Variants in MTHFD1L observed in about 807,000 individuals in gnomAD.
MTHFD1L encodes the protein methylenetetrahydrofolate dehydrogenase (NADP+ dependent) 1 like, also known as monofunctional C1-tetrahydrofolate synthase, mitochondrial.
MTHFD1L carries 81 observed loss-of-function variants against 119.5 expected under a neutral mutation model. The observed-to-expected ratio is 0.68, with a 90% CI of 0.57 to 0.82. The LOEUF (loss-of-function observed/expected upper bound fraction) is 0.82, where lower values mean the gene tolerates loss of function less well. Among genes scored for constraint, MTHFD1L ranks in the 40% least tolerant of loss-of-function variants. MTHFD1L has a pLI of 0.00. For missense variants in MTHFD1L, 1,125 were observed against 1,253.4 expected, an observed-to-expected ratio of 0.90 and a Z score of 1.55; for synonymous variants, 430 against 475.2, an observed-to-expected ratio of 0.90 and a Z score of 1.24.
chr6:150,999,528 A>G (rs746908808), intron 20 of MTHFD1L, among the ~76,000 whole-genome samples: 5 of 152,200 alleles, frequency 3.3e-5, no homozygotes, highest in Non-Finnish European at 7.3e-5. Context: ...CTTGTTCCCT[A>G]CAAGAACATG....
At chr6:150,975,863 G>T (rs557414946) in intron 20 of MTHFD1L, among the ~76,000 whole-genome samples, 1 of 152,160 alleles carries the variant, frequency 6.6e-6, no homozygotes, top group African/African-American at 2.4e-5. Flanking sequence ...ACCTGGTCTC[G>T]GGTACCACAG....
At chr6:150,989,138 G>A (rs519861) in intron 20 of MTHFD1L, among the ~76,000 whole-genome samples, 127,588 of 152,244 alleles carry the variant, frequency 0.84, 53,593 homozygotes, top group East Asian at 0.98. Context: ...CAATTTAAAA[G>A]CTGCCTAAGA....
At chr6:150,876,908 C>G (rs1415436004) in intron 2 of MTHFD1L, among the ~76,000 whole-genome samples, 5 of 152,208 alleles carry the variant, frequency 3.3e-5, no homozygotes, top group Admixed American at 6.5e-5. Flanking sequence ...TCTCTGGGAT[C>G]TGTAGCCACA....
intron 7 of MTHFD1L, among the ~76,000 whole-genome samples, chr6:150,903,203 A>ATTCTTTTTTTTTTTTTTTTTTTTTTTT (rs1562348409): frequency 1.2e-5 from 1 of 85,474 alleles, no homozygotes; most frequent in African/African-American, 5.0e-5. Flanking sequence ...TGGCTGCAAA[A>ATTCTTTTTTTTTTTTTTTTTTTTTTTT]TTTTTTTTTT....
intron 24 of MTHFD1L, among the ~76,000 whole-genome samples, 162 bp downstream of exon 24, chr6:151,015,855 G>A (rs1405293360): frequency 1.3e-5 from 2 of 152,206 alleles, no homozygotes; most frequent in Non-Finnish European, 2.9e-5. Context: ...GGGAGGCTAG[G>A]GCGGGCAGAT....
intron 20 of MTHFD1L, among the ~76,000 whole-genome samples, chr6:150,981,792 A>G (rs1034414413): frequency 6.6e-6 from 1 of 152,196 alleles, no homozygotes; most frequent in African/African-American, 2.4e-5. Flanking sequence ...TGTTGGCAAC[A>G]TTTTAAAAGG....
At chr6:151,071,836 GA>G (rs1194493067) in intron 26 of MTHFD1L, among the ~76,000 whole-genome samples, 15 of 112,526 alleles carry the variant, frequency 1.3e-4, no homozygotes, top group African/African-American at 4.0e-4. Flanking sequence ...TGTAAGTACA[GA>G]TTTTTTTTTT....
At position 151,068,508 on chromosome 6, in the gene MTHFD1L, T is replaced by C. The variant is rs143784656; in HGVS notation, c.2848-23959T>C. 6.0e-3 allele frequency among the ~76,000 whole-genome samples: 920 copies of C among 152,314 alleles called. 4 individuals are homozygous for C. Among genetic ancestry groups the C allele is most frequent in the Non-Finnish European group, 9.9e-3 (676 of 68,020 alleles). ...GATTCTGCTTGAACCGAGGGTTCAA[T>C]TACAACATCCGTATGCTTTCCAGCC... is the stretch of plus-strand genomic sequence containing the variant. On this transcript the variant is annotated intron_variant, in intron 26 of 27. Transcript: ENST00000367321.
intron 24 of MTHFD1L, among the ~76,000 whole-genome samples, chr6:151,033,426 G>A (rs78778356): frequency 0.021 from 3,165 of 152,172 alleles, 105 homozygotes; most frequent in African/African-American, 0.072. Flanking sequence ...GGCCACATAT[G>A]CATCTTTACC....
chr6:150,883,504 G>A (rs1781711130), intron 5 of MTHFD1L, among the ~76,000 whole-genome samples: 1 of 151,996 alleles, frequency 6.6e-6, no homozygotes, highest in African/African-American at 2.4e-5. Context: ...TTTTTTCCTT[G>A]GTAATTCTAC....
intron 26 of MTHFD1L, among the ~76,000 whole-genome samples, chr6:151,063,006 G>A (rs117396742): frequency 0.032 from 4,911 of 151,856 alleles, 156 homozygotes; most frequent in Admixed American, 0.1. Flanking sequence ...CACCTTGTGC[G>A]CATGTACCCT....
chr6:151,080,757 T>C (rs1184261702), intron 26 of MTHFD1L, among the ~76,000 whole-genome samples: 1 of 152,224 alleles, frequency 6.6e-6, no homozygotes, highest in Admixed American at 6.5e-5. Flanking sequence ...TGGTTTCTGC[T>C]GAGGCCTCTC....
At chr6:150,968,833 G>A (rs1020361998) in intron 19 of MTHFD1L, among the ~76,000 whole-genome samples, 1 of 128,200 alleles carries the variant, frequency 7.8e-6, no homozygotes, top group Non-Finnish European at 1.6e-5. Context: ...TCATTTTCTT[G>A]TTTTAAATAA....
At chr6:151,092,953 T>A (rs543795147) in intron 27 of MTHFD1L, among the ~76,000 whole-genome samples, 1 of 152,346 alleles carries the variant, frequency 6.6e-6, no homozygotes, top group African/African-American at 2.4e-5. Context: ...AAAGAGTAAC[T>A]TCCTACCTTC....
intron 20 of MTHFD1L, among the ~76,000 whole-genome samples, chr6:150,997,315 A>G (rs1291543301): frequency 6.6e-6 from 1 of 152,118 alleles, no homozygotes; most frequent in Non-Finnish European, 1.5e-5. Context: ...ATATTCTACA[A>G]AATAACGTTC....
At chr6:150,922,533 A>G (rs1789135334) in intron 10 of MTHFD1L, among the ~76,000 whole-genome samples, 2 of 152,040 alleles carry the variant, frequency 1.3e-5, no homozygotes, top group African/African-American at 2.4e-5. Flanking sequence ...TTTTATTTCA[A>G]TGATGTTTTC....
intron 27 of MTHFD1L, among the ~76,000 whole-genome samples, chr6:151,097,939 C>T (rs1007649850): frequency 2.0e-5 from 3 of 152,052 alleles, no homozygotes; most frequent in Non-Finnish European, 4.4e-5. Context: ...GTTTGGGAGT[C>T]CGAGTGGGTG....
At chr6:151,099,716 A>T in intron 27 of MTHFD1L, 1 of 1,611,774 alleles carries the variant, frequency 6.2e-7, no homozygotes, top group Non-Finnish European at 8.5e-7. Flanking sequence ...GGGAGCAACA[A>T]AAAAACAAAG....
At chr6:151,072,799 C>G (rs1394689879) in intron 26 of MTHFD1L, among the ~76,000 whole-genome samples, 1 of 151,636 alleles carries the variant, frequency 6.6e-6, no homozygotes, top group African/African-American at 2.4e-5. Flanking sequence ...CAGAGTGATA[C>G]TCTGTCTCAA....
Sources: allele counts gnomAD v4.1 joint callset (sites outside exome capture counted in the v4.1 genomes callset), GRCh38; gene constraint gnomAD v4.1.1; transcripts MANE v1.5; gene names NCBI Gene and HGNC (gene_info 2026-07-23, HGNC 2026-07-21).